Variants in AGPAT4 observed in about 807,000 individuals in gnomAD.
The protein encoded by AGPAT4 is 1-acyl-sn-glycerol-3-phosphate acyltransferase delta.
Under a neutral mutation model 48.0 loss-of-function variants are expected in AGPAT4, and 15 were observed. That is an observed-to-expected ratio of 0.31 (90% confidence interval 0.21 to 0.48). The LOEUF is 0.48. Among genes scored for constraint, AGPAT4 ranks in the 20% least tolerant of loss-of-function variants. The pLI is 0.99. For missense variants in AGPAT4, 314 were observed against 482.5 expected (o/e 0.65, Z 3.27); for synonymous variants, 178 against 198.7 (o/e 0.90, Z 0.88).
chr6:161,250,646 C>G (rs60342835), intron 1 of AGPAT4, among the ~76,000 whole-genome samples: 13,902 of 151,874 alleles, frequency 0.092, 724 homozygotes, highest in Middle Eastern at 0.19. Context: ...TTTCTGCATT[C>G]CAGAAACAAA....
chr6:161,163,681 C>G lies in AGPAT4; in HGVS notation c.348+2567G>C, dbSNP rs144900612. Among the ~76,000 whole-genome samples the G allele has an allele frequency of 2.0e-3, 308 of 152,326 alleles. 3 individuals carry two copies. Among genetic ancestry groups the G allele is most frequent in the African/African-American group, 7.0e-3 (290 of 41,582 alleles). On this transcript the variant is annotated intron_variant, in intron 3 of 8. Coordinates refer to ENST00000320285, the MANE Select transcript of AGPAT4 (RefSeq NM_020133.3). ...TCCTGGCACCTGCTCTCTCTAGCTC[C>G]TTGCTTTGTGAGAATGTGCATAACA...
intron 2 of AGPAT4, among the ~76,000 whole-genome samples, chr6:161,205,625 C>T (rs901906197): frequency 4.6e-5 from 7 of 151,972 alleles, no homozygotes; most frequent in Non-Finnish European, 8.8e-5. Context: ...AAGAAGCAAT[C>T]GCACTTTCAG....
chr6:161,191,407 T>G lies in AGPAT4; in HGVS notation c.179-24990A>C, dbSNP rs182483661. On this transcript the variant is annotated intron_variant, in intron 2 of 8. Transcript: ENST00000320285. ...CCAGGAAAATAATACCATTGCCATATAAATTCAGTTGGAGAGACGTCATTC... is the reference window on the plus strand; with the variant it reads ...CCAGGAAAATAATACCATTGCCATAGAAATTCAGTTGGAGAGACGTCATTC... 2.0e-5 allele frequency among the ~76,000 whole-genome samples: 3 copies of G among 152,284 alleles called. No individual in the cohort carries two copies. The East Asian group carries it at 5.8e-4, about 29-fold the overall frequency.
In AGPAT4 at chr6:161,244,303, G is replaced by A. The variant is rs1429043351; in HGVS notation, c.-89-12001C>T. The stretch of plus-strand genomic sequence containing the variant: ...GGGTGAGGATGGGGCTGACACCAAC[G>A]CAGACAGCACGTTCCTACATCACCA... On this transcript the variant is annotated intron_variant, in intron 1 of 8. Transcript: ENST00000320285. The surrounding 1 kb of genome is among the most constrained non-coding windows in gnomAD (Gnocchi z 4.7). 3.9e-5 allele frequency among the ~76,000 whole-genome samples: 6 copies of A among 152,166 alleles called. No individual in the cohort carries two copies. The highest frequency in any genetic ancestry group is 1.2e-4 in the African/African-American group (5 of 41,434).
rs1317333916 is a variant in AGPAT4 at position 161,204,444 on chromosome 6, C to G, written c.178+27592G>C. ...AATACTTACATAACCAATTTTATCA[C>G]CAGTTCCAACCTTAAAGGTAAATAC... On this transcript the variant is annotated intron_variant, in intron 2 of 8. Coordinates refer to ENST00000320285, the MANE Select transcript of AGPAT4 (RefSeq NM_020133.3). This position sits in a 1 kb window ranked among gnomAD's most constrained non-coding sequence, Gnocchi z 4.4. 6.6e-6 allele frequency among the ~76,000 whole-genome samples: 1 copy of G among 152,118 alleles called. No homozygotes were observed. The highest frequency in any genetic ancestry group is 1.5e-5 in the Non-Finnish European group (1 of 68,030).
chr6:161,237,015 A>G (rs1782301254), intron 1 of AGPAT4, among the ~76,000 whole-genome samples: 1 of 152,236 alleles, frequency 6.6e-6, no homozygotes, highest in Non-Finnish European at 1.5e-5. Context: ...CGGAAACACA[A>G]AGACATTTTT....
rs1259892567 is a variant in AGPAT4, at chr6:161,214,800, A to G, written c.178+17236T>C. Among the ~76,000 whole-genome samples, 1 of 152,132 alleles carries G rather than the reference A, an allele frequency of 6.6e-6. No homozygotes were observed. Among genetic ancestry groups the G allele is most frequent in the Non-Finnish European group, 1.5e-5 (1 of 68,018 alleles). On this transcript the variant is annotated intron_variant, in intron 2 of 8. Transcript: ENST00000320285. The surrounding 1 kb of genome is among the most constrained non-coding windows in gnomAD (Gnocchi z 5.4). ...AATAAATAAATAAATAATAAAATAA[A>G]CATAGAAAAGGCACAGCAAAAATAC... is the stretch of plus-strand genomic sequence containing the variant.
Position 161,161,021 on chromosome 6 carries a change from C to CGTGGGAGTGA in AGPAT4, c.348+5226_348+5227insTCACTCCCAC, listed in dbSNP as rs59825427. On this transcript the variant is annotated intron_variant, in intron 3 of 8. Coordinates refer to ENST00000320285, the MANE Select transcript of AGPAT4 (RefSeq NM_020133.3). The surrounding 1 kb of genome is among the most constrained non-coding windows in gnomAD (Gnocchi z 4.6). Reference sequence around the variant, plus strand: ...ATCAGAGGGCCCTAAGCACAGAGCACGAAAGGGGGACAGTTCATGGGATGA... The same window carrying CGTGGGAGTGA: ...ATCAGAGGGCCCTAAGCACAGAGCACGTGGGAGTGAGAAAGGGGGACAGTTCATGGGATGA... 44,047 of 456,546 alleles carry CGTGGGAGTGA rather than the reference C, an allele frequency of 0.096. 2,352 individuals are homozygous for CGTGGGAGTGA. The highest frequency in any genetic ancestry group is 0.15 in the African/African-American group (7,287 of 50,128). 28.3% of individuals were successfully genotyped at this position (456,546 alleles called of 1,614,324 possible).
In AGPAT4 at chr6:161,147,631, A is replaced by C. The variant is rs1287553173; in HGVS notation, c.768-1032T>G. On this transcript the variant is annotated intron_variant, in intron 6 of 8. Coordinates refer to ENST00000320285, the MANE Select transcript of AGPAT4 (RefSeq NM_020133.3). The surrounding 1 kb of genome is among the most constrained non-coding windows in gnomAD (Gnocchi z 4.8). Reference sequence around the variant, plus strand: ...GAGGTAAGTTTTTCACATAATTAGAACTTACCCCATAAGCTCCTCCGGAAA... The same window carrying C: ...GAGGTAAGTTTTTCACATAATTAGACCTTACCCCATAAGCTCCTCCGGAAA... 2.6e-5 allele frequency among the ~76,000 whole-genome samples: 4 copies of C among 152,192 alleles called. No homozygotes were observed. Among genetic ancestry groups the C allele is most frequent in the Non-Finnish European group, 4.4e-5 (3 of 68,028 alleles).
Position 161,148,355 on chromosome 6 carries a change from C to T in AGPAT4, c.767+832G>A, listed in dbSNP as rs973740922. 1.1e-4 allele frequency among the ~76,000 whole-genome samples: 16 copies of T among 152,228 alleles called. No homozygotes were observed. The highest frequency in any genetic ancestry group is 3.9e-4 in the East Asian group (2 of 5,186). ...AGATCAGAAGCTACTTAACTTTGGC[C>T]GCCAGTCCACCAAAATATCTCCCAG... On this transcript the variant is annotated intron_variant, in intron 6 of 8. Transcript: ENST00000320285. The surrounding 1 kb of genome is among the most constrained non-coding windows in gnomAD (Gnocchi z 5.5).
rs1468627634 is a variant in AGPAT4 at position 161,196,740 on chromosome 6, C to T, written c.179-30323G>A. 2.0e-5 allele frequency among the ~76,000 whole-genome samples: 3 copies of T among 149,138 alleles called. No individual in the cohort carries two copies. Among genetic ancestry groups the T allele is most frequent in the Non-Finnish European group, 4.4e-5 (3 of 67,676 alleles). The stretch of plus-strand genomic sequence containing the variant: ...AGGAGAATCGCTTGAACCTGGGAGG[C>T]GGAGATTGCAGTGAGCCGAGATCGT... On this transcript the variant is annotated intron_variant, in intron 2 of 8. Coordinates refer to ENST00000320285, the MANE Select transcript of AGPAT4 (RefSeq NM_020133.3). This position sits in a 1 kb window ranked among gnomAD's most constrained non-coding sequence, Gnocchi z 4.3.
rs1382796976 is a variant in AGPAT4, at chr6:161,240,398, CA to C, written c.-89-8097del. Among the ~76,000 whole-genome samples the C allele has an allele frequency of 3.9e-5, 6 of 152,278 alleles. No individual in the cohort carries two copies. In the East Asian group the frequency reaches 1.2e-3, roughly 29 times the overall value. On this transcript the variant is annotated intron_variant, in intron 1 of 8. Transcript: ENST00000320285. This position sits in a 1 kb window ranked among gnomAD's most constrained non-coding sequence, Gnocchi z 5.5. ...CAAGTCAAACACACGGCTGCCCTCC[CA>C]AGGCAAGCTTTTTCCTCTATGCCAC...
chr6:161,161,877 C>T lies in AGPAT4; in HGVS notation c.348+4371G>A. 1 of 254,368 alleles carries T rather than the reference C, an allele frequency of 3.9e-6. No individual in the cohort carries two copies. Among genetic ancestry groups the T allele is most frequent in the South Asian group, 5.3e-5 (1 of 18,848 alleles). The allele number at this position is 254,368 out of a possible 1,614,324, so 15.8% of individuals were successfully genotyped here. The stretch of plus-strand genomic sequence containing the variant: ...ACAGGGCTTTATGGGCGCCCTCACG[C>T]ACAGGCACTCTGCCTAGGAGGGATA... On this transcript the variant is annotated intron_variant, in intron 3 of 8. Coordinates refer to ENST00000320285, the MANE Select transcript of AGPAT4 (RefSeq NM_020133.3). This position sits in a 1 kb window ranked among gnomAD's most constrained non-coding sequence, Gnocchi z 4.6.
chr6:161,165,733 A>C lies in AGPAT4; in HGVS notation c.348+515T>G. ...GTCAAACTAGTTGGGAAAAAAAAAA[A>C]ACAGAATTTCAGAATAATTCTGAAT... On this transcript the variant is annotated intron_variant, in intron 3 of 8. Coordinates refer to ENST00000320285, the MANE Select transcript of AGPAT4 (RefSeq NM_020133.3). This position sits in a 1 kb window ranked among gnomAD's most constrained non-coding sequence, Gnocchi z 5.5. 1.2e-6 allele frequency: 1 copy of C among 842,208 alleles called. No individual in the cohort carries two copies. The highest frequency in any genetic ancestry group is 1.4e-5 in the South Asian group (1 of 71,452). The allele number at this position is 842,208 out of a possible 1,614,324, so 52.2% of individuals were successfully genotyped here. A position where few individuals can be genotyped will look rare whatever the true frequency, so the allele number is the denominator to read the frequency against.
rs956392160 is a variant in AGPAT4 at position 161,198,097 on chromosome 6, T to C, written c.179-31680A>G. ...TAAAATATTTCCCTTTACTGTTCCA[T>C]AATAAAGAACACATGTCTATTGTAC... On this transcript the variant is annotated intron_variant, in intron 2 of 8. Coordinates refer to ENST00000320285, the MANE Select transcript of AGPAT4 (RefSeq NM_020133.3). This position sits in a 1 kb window ranked among gnomAD's most constrained non-coding sequence, Gnocchi z 4.3. Among the ~76,000 whole-genome samples, 2 of 152,060 alleles carry C rather than the reference T, an allele frequency of 1.3e-5. No individual in the cohort carries two copies. Among genetic ancestry groups the C allele is most frequent in the South Asian group, 4.1e-4 (2 of 4,824 alleles).
rs531128523 is a variant in AGPAT4, at chr6:161,171,992, C to G, written c.179-5575G>C. Among the ~76,000 whole-genome samples the G allele has an allele frequency of 3.2e-4, 48 of 152,262 alleles. No individual in the cohort carries two copies. Among genetic ancestry groups the G allele is most frequent in the African/African-American group, 6.0e-4 (25 of 41,554 alleles). ...AACATAGCATCCCTGAAATATTTAC[C>G]TTCTTGTCTAGGCATCCAAACTAAC... On this transcript the variant is annotated intron_variant, in intron 2 of 8. Transcript: ENST00000320285. The surrounding 1 kb of genome is among the most constrained non-coding windows in gnomAD (Gnocchi z 4.4).
At chr6:161,173,999 G>A (rs1240890235) in intron 2 of AGPAT4, among the ~76,000 whole-genome samples, 2 of 152,094 alleles carry the variant, frequency 1.3e-5, no homozygotes, top group Non-Finnish European at 2.9e-5. Context: ...TGTTCCATTG[G>A]TCTATATCTC....
chr6:161,170,732 C>T (rs1182222293), intron 2 of AGPAT4, among the ~76,000 whole-genome samples: 1 of 152,204 alleles, frequency 6.6e-6, no homozygotes, highest in Non-Finnish European at 1.5e-5. Flanking sequence ...TGCTGAAGAG[C>T]CCTACAGGAG....
rs1429309539 is a variant in AGPAT4 at position 161,221,195 on chromosome 6, C to A, written c.178+10841G>T. On this transcript the variant is annotated intron_variant, in intron 2 of 8. Coordinates refer to ENST00000320285, the MANE Select transcript of AGPAT4 (RefSeq NM_020133.3). This position sits in a 1 kb window ranked among gnomAD's most constrained non-coding sequence, Gnocchi z 4.5. ...CCCTCCGGTCAGCAGAAAATCCACC[C>A]CTCGGGGCTGGGTTTCCAGCATGGC... Among the ~76,000 whole-genome samples the A allele has an allele frequency of 6.6e-6, 1 of 152,136 alleles. No individual in the cohort carries two copies. Among genetic ancestry groups the A allele is most frequent in the Admixed American group, 6.5e-5 (1 of 15,268 alleles).
Sources: gnomAD v4.1 joint callset for allele counts (sites outside exome capture counted in the v4.1 genomes callset) on GRCh38, gnomAD v4.1.1 for gene constraint, Gnocchi (gnomAD v3.1) non-coding constraint, MANE v1.5 for transcripts, NCBI Gene and HGNC (gene_info 2026-07-23, HGNC 2026-07-21) for gene names.